ATRNL1: variants seen among roughly 807,000 people sequenced by gnomAD.
ATRNL1 encodes attractin like 1.
In ATRNL1, 95 loss-of-function variants were observed where a neutral mutation model predicts 182.7. That is an observed-to-expected ratio of 0.52 (90% confidence interval 0.44 to 0.62). The LOEUF (loss-of-function observed/expected upper bound fraction) is 0.62, where lower values mean the gene tolerates loss of function less well. ATRNL1 is among the 20% of genes least tolerant of loss of function. ATRNL1 has a pLI of 0.00. For missense variants in ATRNL1, 1,471 were observed against 1,679.5 expected (o/e 0.88, Z 2.17); for synonymous variants, 576 against 568.3 (o/e 1.01, Z -0.19).
intron 28 of ATRNL1, among the ~76,000 whole-genome samples, chr10:115,889,161 G>A (rs1364515824): frequency 6.6e-6 from 1 of 152,192 alleles, no homozygotes; most frequent in Non-Finnish European, 1.5e-5. Context: ...TTTCAGAAGA[G>A]GGAGACAAAA....
At chr10:115,369,373 G>T (rs781944732) in intron 19 of ATRNL1, among the ~76,000 whole-genome samples, 3 of 152,026 alleles carry the variant, frequency 2.0e-5, no homozygotes, top group Non-Finnish European at 2.9e-5. Context: ...AAGGCGATGG[G>T]ATTCCGTGAG....
At chr10:115,467,318 TCTA>T in intron 23 of ATRNL1, 66 bp downstream of exon 23, 3 of 1,107,428 alleles carry the variant, frequency 2.7e-6, no homozygotes, top group Non-Finnish European at 3.9e-6. Flanking sequence ...TCTAACATGA[TCTA>T]CTGTTAATTA....
At chr10:115,535,861 G>T (rs1214449256) in intron 25 of ATRNL1, among the ~76,000 whole-genome samples, 1 of 151,022 alleles carries the variant, frequency 6.6e-6, no homozygotes, top group African/African-American at 2.5e-5. Flanking sequence ...GTTGGAGTTT[G>T]CTAGAGGTCC....
chr10:115,531,417 A>G (rs1554988211), intron 25 of ATRNL1, among the ~76,000 whole-genome samples: 2 of 152,118 alleles, frequency 1.3e-5, no homozygotes, highest in African/African-American at 4.8e-5. Context: ...TTGGCTGCAT[A>G]AATGTCTTCT....
intron 27 of ATRNL1, among the ~76,000 whole-genome samples, chr10:115,790,113 G>A (rs1053313466): frequency 8.6e-5 from 13 of 151,834 alleles, no homozygotes; most frequent in African/African-American, 3.1e-4. Context: ...GTACATTTGT[G>A]TATTTCATGT....
intron 26 of ATRNL1, among the ~76,000 whole-genome samples, chr10:115,595,650 G>A (rs1856193121): frequency 6.6e-6 from 1 of 152,078 alleles, no homozygotes; most frequent in Non-Finnish European, 1.5e-5. Context: ...AGATCTGAGT[G>A]CACAATAATA....
intron 28 of ATRNL1, among the ~76,000 whole-genome samples, chr10:115,876,856 ATGT>A (rs1951711904): frequency 6.6e-6 from 1 of 152,242 alleles, no homozygotes; most frequent in Admixed American, 6.5e-5. Flanking sequence ...AATCAGAGAA[ATGT>A]TGTGACAGTT....
At chr10:115,170,991 G>C in intron 7 of ATRNL1, 46 bp from the exon 8 acceptor site, 1 of 1,164,520 alleles carries the variant, frequency 8.6e-7, no homozygotes, top group South Asian at 2.3e-5. Flanking sequence ...TATGTGTTAA[G>C]ATATAACATT....
At chr10:115,273,579 A>T in intron 13 of ATRNL1, among the ~76,000 whole-genome samples, 1 of 152,286 alleles carries the variant, frequency 6.6e-6, no homozygotes, top group East Asian at 1.9e-4. Context: ...GCACTGTTTG[A>T]TTTTGCCCAC....
At chr10:115,307,080 T>A (rs1318413648) in intron 17 of ATRNL1, among the ~76,000 whole-genome samples, 1 of 152,174 alleles carries the variant, frequency 6.6e-6, no homozygotes, top group Non-Finnish European at 1.5e-5. Context: ...TATAGAGGCT[T>A]CATTGTCTAC....
chr10:115,591,568 AC>A (rs1323220000), intron 26 of ATRNL1, among the ~76,000 whole-genome samples: 1 of 152,188 alleles, frequency 6.6e-6, no homozygotes, highest in Non-Finnish European at 1.5e-5. Context: ...ATCATTTTTA[AC>A]CCATGTTACT....
chr10:115,603,086 G>A (rs1410111660), intron 26 of ATRNL1, among the ~76,000 whole-genome samples: 1 of 152,128 alleles, frequency 6.6e-6, no homozygotes, highest in African/African-American at 2.4e-5. Context: ...CTCCCAGCAC[G>A]TGGATGTTCA....
intron 19 of ATRNL1, among the ~76,000 whole-genome samples, chr10:115,364,040 T>C (rs1856892334): frequency 6.6e-6 from 1 of 151,522 alleles, no homozygotes; most frequent in Admixed American, 6.6e-5. Context: ...AAGTAGTTTT[T>C]TCCAATTCTG....
chr10:115,167,410 A>C (rs553510738), intron 7 of ATRNL1, among the ~76,000 whole-genome samples: 11 of 152,188 alleles, frequency 7.2e-5, no homozygotes, highest in African/African-American at 2.6e-4. Flanking sequence ...TATGAATTTT[A>C]GGATTAAGTC....
chr10:115,387,687 A>G (rs1858442978), intron 19 of ATRNL1, among the ~76,000 whole-genome samples: 1 of 152,196 alleles, frequency 6.6e-6, no homozygotes, highest in South Asian at 2.1e-4. Flanking sequence ...GAATCATGTA[A>G]TATGTAATCT....
chr10:115,708,199 A>G (rs1445772369), intron 26 of ATRNL1, among the ~76,000 whole-genome samples: 8 of 151,740 alleles, frequency 5.3e-5, no homozygotes, highest in Non-Finnish European at 1.0e-4. Flanking sequence ...AGTCCTCTTT[A>G]TCTTTTAGAG....
chr10:115,094,219 A>G (rs1564729735), intron 1 of ATRNL1, among the ~76,000 whole-genome samples, 176 bp downstream of exon 1: 2 of 150,736 alleles, frequency 1.3e-5, no homozygotes, highest in African/African-American at 4.9e-5. Context: ...CGCCCCCTCC[A>G]GCCCCGGGGC....
intron 20 of ATRNL1, among the ~76,000 whole-genome samples, chr10:115,412,403 T>A (rs1845186729): frequency 6.6e-6 from 1 of 152,216 alleles, no homozygotes; most frequent in African/African-American, 2.4e-5. Flanking sequence ...AACGTCTTGA[T>A]TGCAGTCTGC....
intron 26 of ATRNL1, among the ~76,000 whole-genome samples, chr10:115,650,618 A>G (rs1474786558): frequency 1.3e-5 from 2 of 152,066 alleles, no homozygotes; most frequent in African/African-American, 4.8e-5. Context: ...AAAGATTTTC[A>G]AAGAAACTAG....
Sources: allele counts gnomAD v4.1 joint callset (sites outside exome capture counted in the v4.1 genomes callset), GRCh38; gene constraint gnomAD v4.1.1; transcripts MANE v1.5; gene names NCBI Gene and HGNC (gene_info 2026-07-23, HGNC 2026-07-21).